The following FGD5 variants were observed in gnomAD, a reference collection of about 807,000 sequenced individuals.
The protein encoded by FGD5 is FYVE, RhoGEF and PH domain containing 5.
A neutral mutation model predicts 133.4 loss-of-function variants in FGD5; 28 were observed. The ratio of observed to expected loss-of-function variants is 0.21; its 90% confidence interval spans 0.16 to 0.29. The LOEUF (loss-of-function observed/expected upper bound fraction) is 0.29, where lower values mean the gene tolerates loss of function less well. FGD5 is among the 10% of genes least tolerant of loss of function. The probability of loss-of-function intolerance (pLI) is 1.00; values close to 1 mark genes in which losing one functional copy is unlikely to be tolerated. For synonymous variants in FGD5, 810 were observed against 776.5 expected (o/e 1.04, Z -0.72); for missense variants, 1,858 against 1,895.2 (o/e 0.98, Z 0.36).
intron 1 of FGD5, among the ~76,000 whole-genome samples, chr3:14,830,358 T>A (rs1251978805): frequency 6.6e-6 from 1 of 152,222 alleles, no homozygotes; most frequent in African/African-American, 2.4e-5. Context: ...AGCAATAATT[T>A]TTAATTAAAT....
chr3:14,875,226 C>T (rs1349757930), intron 2 of FGD5, among the ~76,000 whole-genome samples: 1 of 152,130 alleles, frequency 6.6e-6, no homozygotes, highest in Non-Finnish European at 1.5e-5. Flanking sequence ...TTCATTGGGA[C>T]CCTCAACACA....
chr3:14,880,171 A>G (rs1027446487), intron 2 of FGD5, among the ~76,000 whole-genome samples: 14 of 152,026 alleles, frequency 9.2e-5, no homozygotes, highest in Non-Finnish European at 1.9e-4. Context: ...TGGTCAATGT[A>G]ATGAGACCCT....
intron 1 of FGD5, among the ~76,000 whole-genome samples, chr3:14,837,339 G>A (rs73815957): frequency 0.015 from 2,350 of 152,322 alleles, 56 homozygotes; most frequent in African/African-American, 0.052. Flanking sequence ...TGTAACCCCA[G>A]GAGGGGCGGT....
intron 11 of FGD5, among the ~76,000 whole-genome samples, chr3:14,914,284 C>A (rs2038508866): frequency 6.6e-6 from 1 of 152,218 alleles, no homozygotes; most frequent in African/African-American, 2.4e-5. Flanking sequence ...CCACGCCCAG[C>A]AGTGTTGTTA....
intron 1 of FGD5, among the ~76,000 whole-genome samples, chr3:14,853,923 C>T (rs746065331): frequency 1.3e-5 from 2 of 148,256 alleles, no homozygotes; most frequent in Admixed American, 6.8e-5. Flanking sequence ...AATTGATATT[C>T]CCTTTACAGC....
intron 2 of FGD5, among the ~76,000 whole-genome samples, chr3:14,865,638 C>A (rs528503244): frequency 6.6e-6 from 1 of 152,294 alleles, no homozygotes; most frequent in South Asian, 2.1e-4. Flanking sequence ...TGTTTGTCAT[C>A]TCCTTGACTC....
At chr3:14,923,205 A>C in intron 16 of FGD5, 30 bp downstream of exon 16, 1 of 1,596,206 alleles carries the variant, frequency 6.3e-7, no homozygotes, top group Non-Finnish European at 8.5e-7. Context: ...CCTTCTTCCA[A>C]GTGGCCTGGT....
At chr3:14,894,094 A>G (rs2038087170) in intron 4 of FGD5, among the ~76,000 whole-genome samples, 2 of 152,014 alleles carry the variant, frequency 1.3e-5, no homozygotes, top group Admixed American at 6.6e-5. Context: ...TGCACCCATT[A>G]ATCATCCTCT....
intron 1 of FGD5, among the ~76,000 whole-genome samples, chr3:14,842,443 G>C (rs2036942080): frequency 6.6e-6 from 1 of 152,168 alleles, no homozygotes; most frequent in Admixed American, 6.5e-5. Context: ...TCCTAGACAG[G>C]GTTCCAGAGC....
chr3:14,865,813 T>TG (rs910710579), intron 2 of FGD5, among the ~76,000 whole-genome samples: 1 of 152,228 alleles, frequency 6.6e-6, no homozygotes, highest in African/African-American at 2.4e-5. Flanking sequence ...TGCCTATCAC[T>TG]GCGGGCCTTC....
upstream of FGD5, among the ~76,000 whole-genome samples, chr3:14,816,852 G>A (rs1259225632): frequency 6.6e-6 from 1 of 152,180 alleles, no homozygotes; most frequent in Non-Finnish European, 1.5e-5. Flanking sequence ...GGGGTCTGAT[G>A]CAGTGGCTGT....
intron 1 of FGD5, among the ~76,000 whole-genome samples, chr3:14,839,767 C>T (rs1045944028): frequency 6.6e-6 from 1 of 152,090 alleles, no homozygotes; most frequent in Non-Finnish European, 1.5e-5. Context: ...CCAGTCTCTA[C>T]TAAAAATACA....
chr3:14,910,639 C>T (rs766794179), intron 10 of FGD5, among the ~76,000 whole-genome samples: 21 of 152,196 alleles, frequency 1.4e-4, no homozygotes, highest in Non-Finnish European at 2.8e-4. Context: ...GATCCAAGCC[C>T]TGCTCTAGCA....
At chr3:14,908,908 T>A (rs1347383682) in intron 10 of FGD5, among the ~76,000 whole-genome samples, 1 of 151,568 alleles carries the variant, frequency 6.6e-6, no homozygotes, top group Non-Finnish European at 1.5e-5. Flanking sequence ...ATAAAAATAA[T>A]AAATAAAAAG....
intron 10 of FGD5, 123 bp downstream of exon 10, chr3:14,907,834 G>A: frequency 2.0e-6 from 2 of 988,292 alleles, no homozygotes; most frequent in South Asian, 3.4e-5. Flanking sequence ...ATGGAGGGCA[G>A]GCAGGCGGGT....
chr3:14,864,257 C>G lies in FGD5; in HGVS notation c.2655C>G (p.His885Gln). The part of the protein sequence containing the change: ...DSASRDPSVT[H>Q]KVEGQSRALV... ...CTTCAAGAGACCCCAGTGTCACCCACAAGGTAGGGCACCCCACAGGTAGGC... is the reference window on the plus strand; with the variant it reads ...CTTCAAGAGACCCCAGTGTCACCCAGAAGGTAGGGCACCCCACAGGTAGGC... The change falls in exon 2 of 20, where the codon CAC (histidine) becomes CAG (glutamine). Residue 885 changes from histidine to glutamine, a missense_variant. Physicochemically the swap from His to Gln is conservative, Grantham distance 24 (BLOSUM62 0). Coordinates refer to ENST00000285046, the MANE Select transcript of FGD5 (RefSeq NM_152536.4). 1.9e-6 allele frequency: 3 copies of G among 1,613,932 alleles called. No homozygotes were observed. The highest frequency in any genetic ancestry group is 2.5e-6 in the Non-Finnish European group (3 of 1,179,842).
intron 17 of FGD5, among the ~76,000 whole-genome samples, chr3:14,925,161 G>C (rs752021037): frequency 4.0e-5 from 5 of 124,812 alleles, no homozygotes; most frequent in Non-Finnish European, 7.0e-5. Flanking sequence ...TCCCAAAAAA[G>C]TACAAAACAG....
intron 4 of FGD5, among the ~76,000 whole-genome samples, chr3:14,886,148 C>T (rs774138541): frequency 2.6e-4 from 39 of 152,232 alleles, no homozygotes; most frequent in Non-Finnish European, 5.0e-4. Flanking sequence ...CTCATGAACA[C>T]AGGTTGGCTG....
rs1303545915 is a variant in FGD5 at position 14,831,615 on chromosome 3, A to T, written c.2525+10019A>T. 2.0e-5 allele frequency among the ~76,000 whole-genome samples: 3 copies of T among 152,162 alleles called. No individual in the cohort carries two copies. In the East Asian group the frequency reaches 5.8e-4, roughly 29 times the overall value. ...GAGGAGACTGGCCCAGCCACACCAG[A>T]GGGAGGGTAGGAGGGAATAAGGTTG... On this transcript the variant is annotated intron_variant, in intron 1 of 19. Coordinates refer to ENST00000285046, the MANE Select transcript of FGD5 (RefSeq NM_152536.4).
Sources: allele counts gnomAD v4.1 joint callset (sites outside exome capture counted in the v4.1 genomes callset), GRCh38; gene constraint gnomAD v4.1.1; transcripts MANE v1.5; gene names NCBI Gene and HGNC (gene_info 2026-07-23, HGNC 2026-07-21).